The following AKAP6 variants were observed in gnomAD, a reference collection of about 807,000 sequenced individuals.
AKAP6 encodes A-kinase anchoring protein 6, also known as A-kinase anchor protein 6.
Under a neutral mutation model 188.5 loss-of-function variants are expected in AKAP6, and 58 were observed. The ratio of observed to expected loss-of-function variants is 0.31; its 90% CI spans 0.25 to 0.38. AKAP6 has a LOEUF of 0.38. Among genes scored for constraint, AKAP6 ranks in the 10% least tolerant of loss-of-function variants. AKAP6 has a pLI of 1.00. For synonymous variants in AKAP6, 989 were observed against 998.6 expected (o/e 0.99, Z 0.18); for missense variants, 2,710 against 2,740.0 (o/e 0.99, Z 0.24).
intron 2 of AKAP6, among the ~76,000 whole-genome samples, chr14:32,515,208 T>C (rs1425285682): frequency 6.6e-6 from 1 of 152,084 alleles, no homozygotes; most frequent in East Asian, 1.9e-4. Context: ...GAACTTCCAT[T>C]TATAAAACCA....
At chr14:32,389,737 G>A (rs8021804) in intron 1 of AKAP6, among the ~76,000 whole-genome samples, 2,883 of 152,148 alleles carry the variant, frequency 0.019, 88 homozygotes, top group African/African-American at 0.065. Flanking sequence ...TAGGTTTTCC[G>A]TTATAGGTTA....
chr14:32,769,560 T>G lies in AKAP6; in HGVS notation c.3373-4118T>G, dbSNP rs1484524989. On this transcript the variant is annotated intron_variant, in intron 11 of 13. Coordinates refer to ENST00000280979, the MANE Select transcript of AKAP6 (RefSeq NM_004274.5). ...TGGGAATTGCTTCATGGGTTTTTTT[T>G]TTTTTTTTTTTTAACAGATCAGCTA... Among the ~76,000 whole-genome samples, 214 of 150,962 alleles carry G rather than the reference T, an allele frequency of 1.4e-3. 1 individual carries two copies. Among genetic ancestry groups the G allele is most frequent in the East Asian group, 2.1e-3 (11 of 5,164 alleles).
chr14:32,496,466 G>A (rs1880320066), intron 2 of AKAP6, among the ~76,000 whole-genome samples: 1 of 151,906 alleles, frequency 6.6e-6, no homozygotes, highest in African/African-American at 2.4e-5. Context: ...GTCCTTAGAA[G>A]GATGTCTAAG....
At chr14:32,697,826 T>A (rs760899050) in intron 9 of AKAP6, among the ~76,000 whole-genome samples, 16 of 152,170 alleles carry the variant, frequency 1.1e-4, no homozygotes, top group Non-Finnish European at 2.1e-4. Context: ...AGTTTCCTTA[T>A]AAGTGCTTTG....
Position 32,824,401 on chromosome 14 carries a change from T to G in AKAP6, c.6588T>G (p.Ser2196=). The change falls in exon 13 of 14, where the codon TCT becomes TCG. Residue 2196 remains serine (S), a synonymous_variant. Coordinates refer to ENST00000280979, the MANE Select transcript of AKAP6 (RefSeq NM_004274.5). Reference sequence around the variant, plus strand: ...CACTACAAGCAACAGCATGTTCTTCTGAGTTCAGTGATAGTTCTCTTTCAG... The same window carrying G: ...CACTACAAGCAACAGCATGTTCTTCGGAGTTCAGTGATAGTTCTCTTTCAG... The part of the protein sequence containing the change: ...AMPLQATACS[S]EFSDSSLSAD... The G allele has an allele frequency of 5.0e-6, 8 of 1,613,974 alleles. No individual in the cohort carries two copies. The highest frequency in any genetic ancestry group is 6.8e-6 in the Non-Finnish European group (8 of 1,179,962).
chr14:32,384,262 A>T (rs1888460179), intron 1 of AKAP6, among the ~76,000 whole-genome samples: 1 of 152,174 alleles, frequency 6.6e-6, no homozygotes, highest in Non-Finnish European at 1.5e-5. Flanking sequence ...TTACTCGGTA[A>T]ATTTTCGTGA....
At chr14:32,344,627 T>G (rs559826305) in intron 1 of AKAP6, among the ~76,000 whole-genome samples, 2 of 152,100 alleles carry the variant, frequency 1.3e-5, no homozygotes, top group South Asian at 2.1e-4. Context: ...AGTATATACA[T>G]AAGGAGGCCT....
chr14:32,643,467 C>T (rs1338839811), intron 7 of AKAP6, among the ~76,000 whole-genome samples: 2 of 151,996 alleles, frequency 1.3e-5, no homozygotes, highest in Non-Finnish European at 2.9e-5. Context: ...ACCACCATGC[C>T]CAGCTAATTT....
chr14:32,800,648 T>C (rs1197738346), intron 12 of AKAP6, among the ~76,000 whole-genome samples: 1 of 151,952 alleles, frequency 6.6e-6, no homozygotes, highest in Non-Finnish European at 1.5e-5. Context: ...TCTAGCTTCC[T>C]TTTGATTAGT....
At position 32,831,780 on chromosome 14, in the gene AKAP6, TTCA is replaced by T. The variant is rs1194486721; in HGVS notation, c.*1977_*1979del. 3.3e-5 allele frequency: 5 copies of T among 152,314 alleles called. No individual in the cohort carries two copies. The South Asian group carries it at 1.0e-3, about 32-fold the overall frequency. 9.4% of individuals were successfully genotyped at this position (152,314 alleles called of 1,614,324 possible). ...CAGAGAGTGGAAAGTTAGTGGAATATTCATGAAACTTCATTGCAGGGGTAATAG... is the reference window on the plus strand; with the variant it reads ...CAGAGAGTGGAAAGTTAGTGGAATATTGAAACTTCATTGCAGGGGTAATAG... On this transcript the variant is annotated 3_prime_UTR_variant, in exon 14 of 14. Coordinates refer to ENST00000280979, the MANE Select transcript of AKAP6 (RefSeq NM_004274.5).
chr14:32,754,063 G>A (rs2139917849), intron 11 of AKAP6, among the ~76,000 whole-genome samples: 1 of 152,026 alleles, frequency 6.6e-6, no homozygotes, highest in South Asian at 2.1e-4. Flanking sequence ...TATAGAAAAA[G>A]TCATTGGAAT....
chr14:32,451,509 T>C (rs192718253), intron 2 of AKAP6, among the ~76,000 whole-genome samples: 1 of 152,348 alleles, frequency 6.6e-6, no homozygotes, highest in East Asian at 1.9e-4. Context: ...ACAGAAACTA[T>C]GTGTATAAAA....
At chr14:32,504,235 G>A (rs948236507) in intron 2 of AKAP6, among the ~76,000 whole-genome samples, 13 of 151,974 alleles carry the variant, frequency 8.6e-5, no homozygotes, top group Non-Finnish European at 2.9e-5. Flanking sequence ...CTTGTTATTT[G>A]TATATTTTAT....
rs1300103156 is a variant in AKAP6, at chr14:32,460,990, G to A, written c.324+27173G>A. On this transcript the variant is annotated intron_variant, in intron 2 of 13. Coordinates refer to ENST00000280979, the MANE Select transcript of AKAP6 (RefSeq NM_004274.5). ...GCGGAACTCACCACAGTGCAGCAAA[G>A]TAGCTGTGGCCAGACCTTTTCTCTA... Among the ~76,000 whole-genome samples, 4 of 152,246 alleles carry A rather than the reference G, an allele frequency of 2.6e-5. 1 individual carries two copies. Among genetic ancestry groups the A allele is most frequent in the Middle Eastern group, 6.3e-3 (2 of 316 alleles).
At chr14:32,762,426 T>G (rs2032570466) in intron 11 of AKAP6, among the ~76,000 whole-genome samples, 1 of 152,104 alleles carries the variant, frequency 6.6e-6, no homozygotes, top group Non-Finnish European at 1.5e-5. Context: ...AACTAAACAC[T>G]GAGCTTGACT....
chr14:32,795,162 A>G, intron 12 of AKAP6, among the ~76,000 whole-genome samples: 1 of 152,190 alleles, frequency 6.6e-6, no homozygotes, highest in East Asian at 1.9e-4. Flanking sequence ...AACCAAAAAA[A>G]GCCCAGGACC....
intron 5 of AKAP6, among the ~76,000 whole-genome samples, chr14:32,589,920 T>C (rs1363611016): frequency 6.6e-6 from 1 of 152,120 alleles, no homozygotes; most frequent in Non-Finnish European, 1.5e-5. Context: ...AGCTGGGGTG[T>C]GGTCACCTAC....
intron 7 of AKAP6, among the ~76,000 whole-genome samples, chr14:32,674,621 T>C (rs1013374494): frequency 6.6e-6 from 1 of 152,190 alleles, no homozygotes; most frequent in East Asian, 1.9e-4. Context: ...TTATTTTATT[T>C]AAAGGCCTAA....
rs185039542 is a variant in AKAP6 at position 32,774,011 on chromosome 14, G to A, written c.3588+118G>A. ...TGGTTTTACTAACTAACTTAAAGTG[G>A]TTTTGCCATCTTACAAGTGGTTTTA... On this transcript the variant is annotated intron_variant, in intron 12 of 13. Transcript: ENST00000280979. The A allele has an allele frequency of 1.0e-4, 118 of 1,129,284 alleles. 1 individual carries two copies. Among genetic ancestry groups the A allele is most frequent in the Admixed American group, 7.5e-4 (37 of 49,640 alleles). The allele number at this position is 1,129,284 out of a possible 1,614,324, so 70.0% of individuals were successfully genotyped here.
Sources: allele counts gnomAD v4.1 joint callset (sites outside exome capture counted in the v4.1 genomes callset), GRCh38; gene constraint gnomAD v4.1.1; transcripts MANE v1.5; gene names NCBI Gene and HGNC (gene_info 2026-07-23, HGNC 2026-07-21).